Variants in TENM4 observed in about 807,000 individuals in gnomAD.
TENM4 encodes teneurin transmembrane protein 4.
TENM4 carries 82 observed loss-of-function variants against 243.3 expected under a neutral mutation model. The ratio of observed to expected loss-of-function variants is 0.34; its 90% CI spans 0.28 to 0.40. TENM4 has a LOEUF of 0.40. Among genes scored for constraint, TENM4 ranks in the 10% least tolerant of loss-of-function variants. The pLI, the probability that TENM4 is intolerant of heterozygous loss-of-function variation, is 1.00. For missense variants in TENM4, 3,138 were observed against 3,673.3 expected, an observed-to-expected ratio of 0.85 and a Z score of 3.77; for synonymous variants, 1,412 against 1,456.3, an observed-to-expected ratio of 0.97 and a Z score of 0.69.
At chr11:79,120,561 C>T (rs1401999099) in intron 4 of TENM4, among the ~76,000 whole-genome samples, 3 of 152,202 alleles carry the variant, frequency 2.0e-5, no homozygotes, top group Non-Finnish European at 4.4e-5. Flanking sequence ...CAAGCATTGT[C>T]TATAACTGAG....
intron 1 of TENM4, among the ~76,000 whole-genome samples, chr11:79,345,339 C>T (rs1292220518): frequency 6.6e-6 from 1 of 152,180 alleles, no homozygotes; most frequent in African/African-American, 2.4e-5. Context: ...AAATGTTATG[C>T]TTTGCTTAAA....
At chr11:79,324,362 T>G (rs1422796096) in intron 1 of TENM4, among the ~76,000 whole-genome samples, 1 of 151,902 alleles carries the variant, frequency 6.6e-6, no homozygotes, top group Non-Finnish European at 1.5e-5. Context: ...GCCAGGACTA[T>G]AAGTACATAC....
chr11:78,870,237 C>T (rs1283293002), intron 9 of TENM4, among the ~76,000 whole-genome samples: 2 of 152,202 alleles, frequency 1.3e-5, no homozygotes, highest in Admixed American at 1.3e-4. Context: ...TCATCACTGT[C>T]ATTTTGCTAT....
chr11:79,426,710 CAGA>C (rs1333327290), intron 1 of TENM4, among the ~76,000 whole-genome samples: 9 of 152,122 alleles, frequency 5.9e-5, no homozygotes, highest in Non-Finnish European at 1.0e-4. Context: ...GCCTGTGAAC[CAGA>C]AGGACGGAGT....
chr11:79,013,467 C>T (rs1037021825), intron 6 of TENM4, among the ~76,000 whole-genome samples: 1 of 152,240 alleles, frequency 6.6e-6, no homozygotes, highest in African/African-American at 2.4e-5. Context: ...TCACTGTGTT[C>T]TCTGGGCAGG....
intron 12 of TENM4, among the ~76,000 whole-genome samples, chr11:78,817,281 CAACTT>C (rs1319446976): frequency 6.6e-6 from 1 of 152,150 alleles, no homozygotes; most frequent in African/African-American, 2.4e-5. Context: ...CTTAAAGTGT[CAACTT>C]AAGAACTATT....
At chr11:78,695,996 T>C (rs2135745357) in intron 28 of TENM4, among the ~76,000 whole-genome samples, 1 of 152,128 alleles carries the variant, frequency 6.6e-6, no homozygotes, top group South Asian at 2.1e-4. Context: ...TTTTCCCTCT[T>C]CTCCTGGAAT....
intron 6 of TENM4, among the ~76,000 whole-genome samples, chr11:78,920,399 T>C (rs1165219314): frequency 6.6e-6 from 1 of 152,194 alleles, no homozygotes; most frequent in Non-Finnish European, 1.5e-5. Flanking sequence ...GGATATTAAG[T>C]AATATTAACG....
chr11:78,701,070 T>C (rs1314884790), intron 28 of TENM4, among the ~76,000 whole-genome samples: 1 of 152,208 alleles, frequency 6.6e-6, no homozygotes, highest in East Asian at 1.9e-4. Flanking sequence ...AGGGTTTTTT[T>C]TTGGAATTTG....
chr11:79,102,010 G>A (rs555082045), intron 4 of TENM4, among the ~76,000 whole-genome samples: 1 of 152,230 alleles, frequency 6.6e-6, no homozygotes, highest in South Asian at 2.1e-4. Context: ...ACTTTCTACT[G>A]GCTTGGGCAA....
chr11:79,235,607 G>A (rs536488621), intron 2 of TENM4, among the ~76,000 whole-genome samples: 47 of 152,278 alleles, frequency 3.1e-4, no homozygotes, highest in African/African-American at 9.6e-4. Flanking sequence ...AGAGAAATGG[G>A]AACTAAAAGC....
intron 4 of TENM4, among the ~76,000 whole-genome samples, chr11:79,123,223 C>A (rs1861781344): frequency 6.6e-6 from 1 of 152,178 alleles, no homozygotes; most frequent in African/African-American, 2.4e-5. Context: ...AGGACCAAAC[C>A]TATATTAACA....
chr11:78,993,468 C>T (rs946692908), intron 6 of TENM4, among the ~76,000 whole-genome samples: 14 of 152,152 alleles, frequency 9.2e-5, no homozygotes, highest in African/African-American at 3.4e-4. Context: ...TTTCATCTCT[C>T]TCTTCTCCTT....
intron 3 of TENM4, among the ~76,000 whole-genome samples, chr11:79,159,101 G>A (rs1409141836): frequency 6.6e-6 from 1 of 152,156 alleles, no homozygotes; most frequent in Non-Finnish European, 1.5e-5. Flanking sequence ...CTGTGGTGGT[G>A]ACCCTCAAAG....
chr11:78,738,033 G>C (rs960547195), intron 20 of TENM4, among the ~76,000 whole-genome samples: 2 of 152,180 alleles, frequency 1.3e-5, no homozygotes, highest in African/African-American at 4.8e-5. Flanking sequence ...ATGGTTCTTG[G>C]AGGAATTCAA....
At chr11:79,147,517 A>G (rs1027224198) in intron 4 of TENM4, among the ~76,000 whole-genome samples, 1 of 152,078 alleles carries the variant, frequency 6.6e-6, no homozygotes, top group Non-Finnish European at 1.5e-5. Flanking sequence ...TTATGTTTGC[A>G]TGAGAGTTTA....
At chr11:78,866,232 T>G (rs1186287677) in intron 9 of TENM4, among the ~76,000 whole-genome samples, 1 of 152,134 alleles carries the variant, frequency 6.6e-6, no homozygotes, top group East Asian at 1.9e-4. Flanking sequence ...ACGGAGAAAT[T>G]GTTTGAGCTA....
Position 78,729,431 on chromosome 11 carries a change from A to G in TENM4, c.3351T>C (p.Ile1117=), listed in dbSNP as rs200129089. 1.3e-4 allele frequency: 203 copies of G among 1,598,270 alleles called. 3 individuals are homozygous for G. The African/African-American group carries it at 2.1e-3, about 17-fold the overall frequency. ...GGTTGTAGACGTCTGTCTTGTCCCA[A>G]ATGAAATAATAGGACAGGTCTGGGG... ...AAAPDLSYYF[I]WDKTDVYNQK... is the part of the protein sequence containing the mutation. The change falls in exon 22 of 34, where the codon ATT becomes ATC. Residue 1117 remains isoleucine (I), a synonymous_variant. Transcript: ENST00000278550.
chr11:78,715,632 C>T (rs1156427777), intron 25 of TENM4, among the ~76,000 whole-genome samples: 1 of 152,170 alleles, frequency 6.6e-6, no homozygotes, highest in East Asian at 1.9e-4. Context: ...GGGAAAACAA[C>T]AACTAGCTTT....
Sources: allele counts gnomAD v4.1 joint callset (sites outside exome capture counted in the v4.1 genomes callset), GRCh38; gene constraint gnomAD v4.1.1; transcripts MANE v1.5; gene names NCBI Gene and HGNC (gene_info 2026-07-23, HGNC 2026-07-21).